Variants in UNC13C observed in about 807,000 individuals in gnomAD.
UNC13C encodes unc-13 homolog C.
Under a neutral mutation model 245.4 loss-of-function variants are expected in UNC13C, and 174 were observed. The observed-to-expected ratio is 0.71, with a 90% confidence interval of 0.63 to 0.80. The LOEUF is 0.80. Ranked by LOEUF, UNC13C falls within the 30% of genes least tolerant of loss-of-function variation. The pLI is 0.00. For missense variants in UNC13C, 2,829 were observed against 2,602.9 expected (o/e 1.09, Z -1.89); for synonymous variants, 992 against 895.1 (o/e 1.11, Z -1.93).
the UNC13C span, among the ~76,000 whole-genome samples, chr15:53,846,707 G>T: frequency 1.3e-5 from 2 of 152,120 alleles, no homozygotes; most frequent in Admixed American, 1.3e-4. Context: ...TGTCCAGATT[G>T]TACTATATAG....
At position 54,007,263 on chromosome 15, in the gene UNC13C, A is replaced by G. The variant is rs1895180980; in HGVS notation, c.-256-5385A>G. On this transcript the variant is annotated intron_variant, in intron 1 of 32. Coordinates refer to ENST00000260323, the MANE Select transcript of UNC13C (RefSeq NM_001080534.3). ...CTTAATGCAAATGAAGGAGCAGTTAAGACTAAGGTTATTCTATTAGTCTAG... is the reference window on the plus strand; with the variant it reads ...CTTAATGCAAATGAAGGAGCAGTTAGGACTAAGGTTATTCTATTAGTCTAG... 2.6e-5 allele frequency among the ~76,000 whole-genome samples: 4 copies of G among 152,226 alleles called. No individual in the cohort carries two copies. The South Asian group carries it at 8.3e-4, about 32-fold the overall frequency.
chr15:54,096,800 A>T (rs1289034741), intron 2 of UNC13C, among the ~76,000 whole-genome samples: 1 of 152,198 alleles, frequency 6.6e-6, no homozygotes, highest in Non-Finnish European at 1.5e-5. Context: ...AGATCTAGGG[A>T]AAAATAAAAA....
chr15:54,060,838 A>C (rs1426685015), intron 2 of UNC13C, among the ~76,000 whole-genome samples: 2 of 152,154 alleles, frequency 1.3e-5, no homozygotes, highest in Non-Finnish European at 2.9e-5. Context: ...TGAAGCTGGA[A>C]ACCATCATTC....
chr15:53,989,344 A>T (rs1272970494), intron 1 of UNC13C, among the ~76,000 whole-genome samples: 3 of 151,752 alleles, frequency 2.0e-5, no homozygotes, highest in Non-Finnish European at 4.4e-5. Flanking sequence ...AAAAAAAAAA[A>T]TGTAGGCAAT....
chr15:54,362,438 G>A (rs2039255567), intron 17 of UNC13C, among the ~76,000 whole-genome samples: 1 of 152,156 alleles, frequency 6.6e-6, no homozygotes, highest in Admixed American at 6.5e-5. Context: ...AGGCCCAAGA[G>A]ATTTCTTCAT....
At chr15:53,991,644 A>G (rs984132357) in intron 1 of UNC13C, among the ~76,000 whole-genome samples, 2 of 152,014 alleles carry the variant, frequency 1.3e-5, no homozygotes, top group South Asian at 4.1e-4. Flanking sequence ...AGCAGTGTGC[A>G]TCTTCTTGCC....
At chr15:53,958,413 G>GT in the UNC13C span, among the ~76,000 whole-genome samples, 9,766 of 152,188 alleles carry the variant, frequency 0.064, 662 homozygotes, top group African/African-American at 0.17. Context: ...GCTTATTGTT[G>GT]TTTTGCCTTT....
At position 54,015,418 on chromosome 15, in the gene UNC13C, T is replaced by A. The variant is rs371805209; in HGVS notation, c.2515T>A (p.Ser839Thr). 6.2e-7 allele frequency: 1 copy of A among 1,613,576 alleles called. No individual in the cohort carries two copies. Among genetic ancestry groups the A allele is most frequent in the African/African-American group, 1.3e-5 (1 of 74,888 alleles). ...LMGRFRTLSQ[S>T]TANESSTTLD... is the part of the protein sequence containing the mutation. ...GGGGAGATTTCGGACATTATCTCAA[T>A]CAACTGCAAATGAGTCAAGTACCAC... is the stretch of plus-strand genomic sequence containing the variant. Residue 839 changes from serine (S) to threonine (T), a missense_variant, in exon 2 of 33, where the codon TCA becomes ACA. Ser to Thr is a moderately conservative substitution (Grantham distance 58). Transcript: ENST00000260323.
chr15:54,541,251 C>T (rs1377293522), intron 26 of UNC13C, among the ~76,000 whole-genome samples: 1 of 151,972 alleles, frequency 6.6e-6, no homozygotes, highest in Non-Finnish European at 1.5e-5. Context: ...TGTCACATGC[C>T]TTTCAATGTT....
the UNC13C span, among the ~76,000 whole-genome samples, chr15:53,934,842 C>T: frequency 1.3e-5 from 2 of 152,102 alleles, no homozygotes; most frequent in South Asian, 2.1e-4. Flanking sequence ...CTCTGGGAGC[C>T]TCTTTTAATA....
intron 4 of UNC13C, among the ~76,000 whole-genome samples, chr15:54,217,239 G>C (rs576645490): frequency 7.8e-4 from 118 of 151,750 alleles, no homozygotes; most frequent in African/African-American, 2.8e-3. Flanking sequence ...TGAGACTCTT[G>C]TCTGATGTGA....
intron 1 of UNC13C, among the ~76,000 whole-genome samples, chr15:54,002,365 G>A (rs1477518691): frequency 6.6e-6 from 1 of 152,080 alleles, no homozygotes; most frequent in East Asian, 1.9e-4. Context: ...TCGCTTAGAA[G>A]CTCTGAGTCT....
chr15:53,843,953 ATC>A, the UNC13C span, among the ~76,000 whole-genome samples: 1 of 152,322 alleles, frequency 6.6e-6, no homozygotes, highest in South Asian at 2.1e-4. Context: ...GAGAAAAGAA[ATC>A]AGACGGAGTT....
intron 29 of UNC13C, among the ~76,000 whole-genome samples, chr15:54,567,380 TGGAAAATATGTGGCC>T (rs1047036489): frequency 6.6e-6 from 1 of 152,148 alleles, no homozygotes; most frequent in African/African-American, 2.4e-5. Flanking sequence ...AACTGGTATC[TGGAAAATATGTGGCC>T]GGAAGCTACC....
chr15:54,003,251 C>A (rs1040497062), intron 1 of UNC13C, among the ~76,000 whole-genome samples: 6 of 151,774 alleles, frequency 4.0e-5, no homozygotes, highest in African/African-American at 7.2e-5. Context: ...CAAAACAATA[C>A]CTTATAACAA....
At chr15:54,136,972 G>C (rs1056044732) in intron 2 of UNC13C, among the ~76,000 whole-genome samples, 1 of 152,026 alleles carries the variant, frequency 6.6e-6, no homozygotes, top group Non-Finnish European at 1.5e-5. Context: ...CAGTAGCTGG[G>C]AGTAGAGGTG....
At chr15:54,317,739 G>C (rs2038045480) in intron 13 of UNC13C, among the ~76,000 whole-genome samples, 1 of 151,648 alleles carries the variant, frequency 6.6e-6, no homozygotes, top group African/African-American at 2.4e-5. Context: ...CATTTTTGTG[G>C]GAGAACTTTT....
intron 2 of UNC13C, among the ~76,000 whole-genome samples, chr15:54,032,660 A>G (rs1896408081): frequency 6.6e-6 from 1 of 152,228 alleles, no homozygotes; most frequent in Non-Finnish European, 1.5e-5. Context: ...GTCACTTAAA[A>G]GCTGAAATAA....
At chr15:53,866,054 C>T in the UNC13C span, among the ~76,000 whole-genome samples, 1 of 152,058 alleles carries the variant, frequency 6.6e-6, no homozygotes, top group Non-Finnish European at 1.5e-5. Flanking sequence ...AAATAAACTT[C>T]TAAAAACTCA....
Sources: gnomAD v4.1 joint callset for allele counts (sites outside exome capture counted in the v4.1 genomes callset) on GRCh38, gnomAD v4.1.1 for gene constraint, MANE v1.5 for transcripts, NCBI Gene and HGNC (gene_info 2026-07-23, HGNC 2026-07-21) for gene names.